Variants in FHOD3 observed in about 807,000 individuals in gnomAD.
The protein encoded by FHOD3 is FH1/FH2 domain-containing protein 3.
In FHOD3, 90 loss-of-function variants were observed where a neutral mutation model predicts 173.0. The ratio of observed to expected loss-of-function variants is 0.52; its 90% CI spans 0.44 to 0.62. The LOEUF is 0.62. FHOD3 is among the 20% of genes least tolerant of loss of function. FHOD3 has a pLI of 0.00. For synonymous variants in FHOD3, 828 were observed against 823.0 expected (o/e 1.01, Z -0.10); for missense variants, 1,945 against 2,034.7 (o/e 0.96, Z 0.85).
chr18:36,533,512 G>A (rs1394216572), intron 5 of FHOD3, among the ~76,000 whole-genome samples: 2 of 152,204 alleles, frequency 1.3e-5, no homozygotes, highest in African/African-American at 4.8e-5. Context: ...TGCTGTAGGT[G>A]GCATGGAATG....
chr18:36,311,648 G>A (rs2144696591), intron 1 of FHOD3, among the ~76,000 whole-genome samples: 1 of 152,240 alleles, frequency 6.6e-6, no homozygotes, highest in South Asian at 2.1e-4. Context: ...GCTGTGCTAT[G>A]AGATCTCCTC....
At chr18:36,584,662 T>C (rs1400117101) in intron 6 of FHOD3, among the ~76,000 whole-genome samples, 1 of 152,166 alleles carries the variant, frequency 6.6e-6, no homozygotes, top group East Asian at 1.9e-4. Context: ...AGAAAAAATA[T>C]GGCAACTGGG....
Position 36,718,445 on chromosome 18 carries a change from C to A in FHOD3, c.3147C>A (p.Val1049=), listed in dbSNP as rs1287332761. The part of the protein sequence containing the change: ...PLLDSIPPPP[V]PGNLLVPPPP... ...TGGACAGCATTCCTCCCCCTCCTGTCCCTGGTAATTTATTGGTTCCTCCTC... is the reference window on the plus strand; with the variant it reads ...TGGACAGCATTCCTCCCCCTCCTGTACCTGGTAATTTATTGGTTCCTCCTC... Residue 1049 remains valine, a synonymous_variant, in exon 19 of 29, where the codon GTC becomes GTA. Transcript: ENST00000590592. 5.0e-6 allele frequency: 8 copies of A among 1,589,478 alleles called. No homozygotes were observed. The highest frequency in any genetic ancestry group is 6.0e-6 in the Non-Finnish European group (7 of 1,161,084).
chr18:36,594,682 G>C, intron 6 of FHOD3, 105 bp from the exon 7 acceptor site: 1 of 673,060 alleles, frequency 1.5e-6, no homozygotes, highest in East Asian at 2.7e-5. Context: ...ATTGCTGAGA[G>C]CGTCTCATCT....
chr18:36,464,174 A>T (rs2052764391), intron 3 of FHOD3, among the ~76,000 whole-genome samples: 1 of 152,230 alleles, frequency 6.6e-6, no homozygotes, highest in African/African-American at 2.4e-5. Flanking sequence ...ATGCCACTGC[A>T]CTTGAGTTTT....
intron 3 of FHOD3, among the ~76,000 whole-genome samples, chr18:36,425,303 G>A (rs951062214): frequency 1.3e-5 from 2 of 152,162 alleles, no homozygotes; most frequent in African/African-American, 4.8e-5. Context: ...AAGGATTCAG[G>A]CATCTACTGG....
chr18:36,778,530 A>C (rs1294054911), intron 28 of FHOD3: 2 of 152,240 alleles, frequency 1.3e-5, no homozygotes, highest in East Asian at 3.8e-4. Flanking sequence ...CTACCTCCTC[A>C]TTCACCCTTA....
chr18:36,675,077 G>C (rs556355657), intron 14 of FHOD3, among the ~76,000 whole-genome samples: 2 of 152,156 alleles, frequency 1.3e-5, no homozygotes, highest in African/African-American at 4.8e-5. Flanking sequence ...GGCTAGGGAA[G>C]AACTGCCGTG....
chr18:36,398,881 G>A (rs1238585764), intron 3 of FHOD3, among the ~76,000 whole-genome samples: 1 of 152,182 alleles, frequency 6.6e-6, no homozygotes, highest in African/African-American at 2.4e-5. Context: ...TATAGGACAG[G>A]GATGGGGGGG....
intron 14 of FHOD3, among the ~76,000 whole-genome samples, chr18:36,671,760 G>A (rs756588750): frequency 1.1e-4 from 17 of 152,176 alleles, no homozygotes; most frequent in Non-Finnish European, 2.4e-4. Context: ...TGTATTGATG[G>A]CACTCAGACA....
chr18:36,376,017 G>A lies in FHOD3; in HGVS notation c.337+3273G>A, dbSNP rs139879016. Reference sequence around the variant, plus strand: ...TACACTTACAGATAAGAATTAAGACGTATGATAGACATGAGAAGTCTGCAT... The same window carrying A: ...TACACTTACAGATAAGAATTAAGACATATGATAGACATGAGAAGTCTGCAT... On this transcript the variant is annotated intron_variant, in intron 3 of 28. Transcript: ENST00000590592. Among the ~76,000 whole-genome samples, 388 of 152,306 alleles carry A rather than the reference G, an allele frequency of 2.5e-3. 1 individual carries two copies. The highest frequency in any genetic ancestry group is 8.5e-3 in the African/African-American group (353 of 41,562).
intron 2 of FHOD3, among the ~76,000 whole-genome samples, chr18:36,359,507 C>G (rs2046509318): frequency 6.6e-6 from 1 of 152,104 alleles, no homozygotes; most frequent in Non-Finnish European, 1.5e-5. Context: ...GTTATTTTTC[C>G]TGACGTTGTC....
At chr18:36,582,123 C>T (rs1242677474) in intron 6 of FHOD3, among the ~76,000 whole-genome samples, 1 of 152,146 alleles carries the variant, frequency 6.6e-6, no homozygotes, top group Non-Finnish European at 1.5e-5. Context: ...GGCAAGAAAA[C>T]TTTGGACACA....
intron 1 of FHOD3, among the ~76,000 whole-genome samples, chr18:36,331,939 G>A (rs1335498246): frequency 6.6e-6 from 1 of 152,176 alleles, no homozygotes; most frequent in African/African-American, 2.4e-5. Flanking sequence ...CACCAGTTGT[G>A]CATGCTGAGA....
rs1348419097 is a variant in FHOD3 at position 36,718,283 on chromosome 18, G to T, written c.2985G>T (p.Met995Ile). 6.2e-7 allele frequency: 1 copy of T among 1,614,144 alleles called. No individual in the cohort carries two copies. Among genetic ancestry groups the T allele is most frequent in the Admixed American group, 1.7e-5 (1 of 60,024 alleles). The change falls in exon 19 of 29, where the codon ATG becomes ATT. Residue 995 changes from methionine to isoleucine, a missense_variant. Coordinates refer to ENST00000590592, the MANE Select transcript of FHOD3 (RefSeq NM_001281740.3). ...CAAGAGAGCTCAGAATCCAAGACATGGATTTCACTGACCTGGGGGAGGAGG... is the reference window on the plus strand; with the variant it reads ...CAAGAGAGCTCAGAATCCAAGACATTGATTTCACTGACCTGGGGGAGGAGG... Reference protein sequence around the residue: ...ANPRELRIQDMDFTDLGEEDD... With the variant: ...ANPRELRIQDIDFTDLGEEDD...
chr18:36,329,664 T>C (rs1198453590), intron 1 of FHOD3, among the ~76,000 whole-genome samples: 3 of 152,068 alleles, frequency 2.0e-5, no homozygotes, highest in Non-Finnish European at 4.4e-5. Flanking sequence ...GTTTCAGCTG[T>C]GAAGAAGAAC....
chr18:36,469,525 T>C (rs2053152537), intron 3 of FHOD3, among the ~76,000 whole-genome samples: 2 of 152,152 alleles, frequency 1.3e-5, no homozygotes, highest in South Asian at 4.1e-4. Context: ...TATCCTTTGG[T>C]AGTGGGAGTT....
chr18:36,603,062 T>C (rs959939979), intron 8 of FHOD3, among the ~76,000 whole-genome samples: 31 of 151,704 alleles, frequency 2.0e-4, no homozygotes, highest in African/African-American at 6.8e-4. Flanking sequence ...CAATTGAGGA[T>C]GAGGCAAAGA....
Position 36,682,863 on chromosome 18 carries a change from G to A in FHOD3, c.1970+1293G>A, listed in dbSNP as rs7227486. On this transcript the variant is annotated intron_variant, in intron 15 of 28. Transcript: ENST00000590592. ...CAAAGTGCTGGGATTACAGGCATAA[G>A]CCACCATGCCCAGCCAATAACTTGT... Among the ~76,000 whole-genome samples the A allele has an allele frequency of 6.0e-4, 92 of 152,332 alleles. 1 individual carries two copies. The highest frequency in any genetic ancestry group is 1.9e-3 in the African/African-American group (79 of 41,576).
Sources: allele counts gnomAD v4.1 joint callset (sites outside exome capture counted in the v4.1 genomes callset), GRCh38; gene constraint gnomAD v4.1.1; transcripts MANE v1.5; gene names NCBI Gene and HGNC (gene_info 2026-07-23, HGNC 2026-07-21).